The following OR2T6 variants were observed in gnomAD, a reference collection of about 807,000 sequenced individuals.
OR2T6 encodes the protein olfactory receptor family 2 subfamily T member 6, also known as olfactory receptor 2T6.
For missense variants in OR2T6, 424 were observed against 391.6 expected, an observed-to-expected ratio of 1.08 and a Z score of -0.70; for synonymous variants, 174 against 148.0, an observed-to-expected ratio of 1.18 and a Z score of -1.27.
At chr1:248,380,481 C>A (rs1380384954) in intron 1 of OR2T6, among the ~76,000 whole-genome samples, 1 of 151,760 alleles carries the variant, frequency 6.6e-6, no homozygotes, top group Non-Finnish European at 1.5e-5. Flanking sequence ...CTATTTAAGT[C>A]TTTTATATGG....
At position 248,389,255 on chromosome 1, in the gene OR2T6, A is replaced by G. The variant is rs1661209424; in HGVS notation, c.*720A>G. ...GTAGTTGAGAAAGAAATGCCCTATT[A>G]ACTAGCAGTTTCTGTAATCACTTTA... is the stretch of plus-strand genomic sequence containing the variant. On this transcript the variant is annotated 3_prime_UTR_variant, in exon 3 of 3. Transcript: ENST00000641644. 6.9e-6 allele frequency: 1 copy of G among 144,318 alleles called. No individual in the cohort carries two copies. The highest frequency in any genetic ancestry group is 2.6e-5 in the African/African-American group (1 of 39,008). 8.9% of individuals were successfully genotyped at this position (144,318 alleles called of 1,614,324 possible). A position where few individuals can be genotyped will look rare whatever the true frequency, so the allele number is the denominator to read the frequency against.
chr1:248,388,640 A>T lies in OR2T6; in HGVS notation c.*105A>T. The T allele has an allele frequency of 1.2e-6, 1 of 834,850 alleles. No individual in the cohort carries two copies. The highest frequency in any genetic ancestry group is 2.0e-5 in the South Asian group (1 of 49,644). The allele number at this position is 834,850 out of a possible 1,614,324, so 51.7% of individuals were successfully genotyped here. ...CATGGATACCACGGATGATGCTGAC[A>T]GGAACTTTCAATACCAGCTGTGCTA... On this transcript the variant is annotated 3_prime_UTR_variant, in exon 3 of 3. Coordinates refer to ENST00000641644, the MANE Select transcript of OR2T6 (RefSeq NM_001005471.2).
At position 248,391,161 on chromosome 1, in the gene OR2T6, G is replaced by A. The variant is rs1488800930; in HGVS notation, c.*2626G>A. 1 of 151,986 alleles carries A rather than the reference G, an allele frequency of 6.6e-6. No homozygotes were observed. Among genetic ancestry groups the A allele is most frequent in the Non-Finnish European group, 1.5e-5 (1 of 68,012 alleles). 9.4% of individuals were successfully genotyped at this position (151,986 alleles called of 1,614,324 possible). A position where few individuals can be genotyped will look rare whatever the true frequency, so the allele number is the denominator to read the frequency against. On this transcript the variant is annotated 3_prime_UTR_variant, in exon 3 of 3. Coordinates refer to ENST00000641644, the MANE Select transcript of OR2T6 (RefSeq NM_001005471.2). ...TTCTTGGTGTTAACTCTGCTGATTTGGAAACTTATGTTCACAGTAGATTTT... is the reference window on the plus strand; with the variant it reads ...TTCTTGGTGTTAACTCTGCTGATTTAGAAACTTATGTTCACAGTAGATTTT...
In OR2T6 at chr1:248,387,877, G is replaced by C. The variant is rs767523898; in HGVS notation, c.269G>C (p.Gly90Ala). ...KMLVDYLMGE[G>A]TISFIACTAQ... ...CTGGTAGATTATCTCATGGGCGAGG[G>C]GACCATCTCTTTCATCGCCTGCACT... Residue 90 changes from glycine (G) to alanine (A), a missense_variant, in exon 3 of 3, where the codon GGG becomes GCG. Transcript: ENST00000641644. The C allele has an allele frequency of 3.8e-5, 60 of 1,596,246 alleles. No homozygotes were observed. In the Admixed American group the frequency reaches 7.1e-4, roughly 19 times the overall value.
rs1052967893 is a variant in OR2T6, at chr1:248,389,594, C to T, written c.*1059C>T. On this transcript the variant is annotated 3_prime_UTR_variant, in exon 3 of 3. Transcript: ENST00000641644. ...CCACAATGTCAGGATTTTATTGATG[C>T]TGTTTCAATCACAAAAGCCACCATG... is the stretch of plus-strand genomic sequence containing the variant. 4 of 152,156 alleles carry T rather than the reference C, an allele frequency of 2.6e-5. No homozygotes were observed. The highest frequency in any genetic ancestry group is 7.2e-5 in the African/African-American group (3 of 41,422). The allele number at this position is 152,156 out of a possible 1,614,324, so 9.4% of individuals were successfully genotyped here.
chr1:248,387,770 T>C lies in OR2T6; in HGVS notation c.162T>C (p.His54=). The stretch of plus-strand genomic sequence containing the variant: ...TCTTCCTGATTAACATAGACCCTCA[T>C]CTCCACACCCCCATGTACTTCCTCC... ...VMIFLINIDP[H]LHTPMYFLLS... The change falls in exon 3 of 3, where the codon CAT becomes CAC. Residue 54 remains histidine, a synonymous_variant. Transcript: ENST00000641644. 1 of 1,613,432 alleles carries C rather than the reference T, an allele frequency of 6.2e-7. No homozygotes were observed.
intron 2 of OR2T6, among the ~76,000 whole-genome samples, chr1:248,385,630 A>T (rs1287911205): frequency 1.3e-5 from 2 of 152,358 alleles, no homozygotes; most frequent in South Asian, 4.1e-4. Context: ...AAGACAATGC[A>T]CAAGCCTGCA....
rs774773568 is a variant in OR2T6 at position 248,380,979 on chromosome 1, G to A, written c.-158-3732G>A. ...TTTTCTTTTCCATTTTGTACATTTT[G>A]TTTTGTTTTCTTTGAAGAGTAAATC... On this transcript the variant is annotated intron_variant, in intron 1 of 2. Transcript: ENST00000641644. 7.9e-5 allele frequency among the ~76,000 whole-genome samples: 12 copies of A among 151,340 alleles called. 1 individual carries two copies. Among genetic ancestry groups the A allele is most frequent in the Admixed American group, 3.9e-4 (6 of 15,196 alleles).
At chr1:248,384,448 C>A (rs61832942) in intron 1 of OR2T6, among the ~76,000 whole-genome samples, 409 of 25,396 alleles carry the variant, frequency 0.016, 12 homozygotes, top group African/African-American at 0.033. Flanking sequence ...TGCTCATCCT[C>A]TCCTGAAGTG....
At chr1:248,377,784 C>T (rs913494383) in intron 1 of OR2T6, among the ~76,000 whole-genome samples, 2 of 152,208 alleles carry the variant, frequency 1.3e-5, no homozygotes, top group South Asian at 2.1e-4. Flanking sequence ...AGCAAAATCT[C>T]CTGATTGCTC....
rs1305647573 is a variant in OR2T6 at position 248,389,092 on chromosome 1, A to G, written c.*557A>G. On this transcript the variant is annotated 3_prime_UTR_variant, in exon 3 of 3. Transcript: ENST00000641644. Reference sequence around the variant, plus strand: ...TAACCACTGAAAACACTCCTCCTTTATCTACATTTGGAGCTAAAAAAAAAT... The same window carrying G: ...TAACCACTGAAAACACTCCTCCTTTGTCTACATTTGGAGCTAAAAAAAAAT... 6.7e-6 allele frequency: 1 copy of G among 149,378 alleles called. No homozygotes were observed. Among genetic ancestry groups the G allele is most frequent in the Non-Finnish European group, 1.5e-5 (1 of 67,764 alleles). 9.3% of individuals were successfully genotyped at this position (149,378 alleles called of 1,614,324 possible).
rs1416697099 is a variant in OR2T6 at position 248,388,192 on chromosome 1, A to G, written c.584A>G (p.Tyr195Cys). 2.5e-6 allele frequency: 4 copies of G among 1,612,818 alleles called. No individual in the cohort carries two copies. Among genetic ancestry groups the G allele is most frequent in the Non-Finnish European group, 2.5e-6 (3 of 1,179,884 alleles). ...CTGGCCTGTGGGGACAAAACCACCT[A>G]TGAAACAGTGATGTATGTGTGCTGC... ...LRLACGDKTT[Y>C]ETVMYVCCVA... is the part of the protein sequence containing the mutation. Residue 195 changes from tyrosine (Y) to cysteine (C), a missense_variant, in exon 3 of 3, where the codon TAT becomes TGT. Coordinates refer to ENST00000641644, the MANE Select transcript of OR2T6 (RefSeq NM_001005471.2).
At chr1:248,377,725 G>A (rs1482306611) in intron 1 of OR2T6, among the ~76,000 whole-genome samples, 2 of 152,126 alleles carry the variant, frequency 1.3e-5, no homozygotes, top group African/African-American at 2.4e-5. Context: ...TCAGATTCAC[G>A]GATGCTCTGG....
At chr1:248,380,919 T>C (rs1661018430) in intron 1 of OR2T6, among the ~76,000 whole-genome samples, 1 of 152,202 alleles carries the variant, frequency 6.6e-6, no homozygotes, top group Admixed American at 6.5e-5. Flanking sequence ...TTGTAGTTTA[T>C]ATATACTATG....
intron 1 of OR2T6, among the ~76,000 whole-genome samples, chr1:248,379,964 G>A (rs28429172): frequency 0.089 from 13,565 of 151,868 alleles, 1,867 homozygotes; most frequent in African/African-American, 0.3. Context: ...TGCTGCACCC[G>A]TTAACTCGTC....
rs770068217 is a variant in OR2T6 at position 248,387,954 on chromosome 1, G to C, written c.346G>C (p.Gly116Arg). The C allele has an allele frequency of 6.2e-7, 1 of 1,607,440 alleles. No individual in the cohort carries two copies. The highest frequency in any genetic ancestry group is 1.3e-5 in the African/African-American group (1 of 74,750). ...GFMGAEFFLL[G>R]LMAYDRYVAI... is the part of the protein sequence containing the mutation. ...TATGGGGGCTGAATTCTTCCTGCTG[G>C]GGCTCATGGCCTATGACCGCTACGT... The change falls in exon 3 of 3, where the codon GGG (glycine) becomes CGG (arginine). Residue 116 changes from glycine to arginine, a missense_variant. By Grantham distance (125) the Gly-to-Arg change is moderately radical. Coordinates refer to ENST00000641644, the MANE Select transcript of OR2T6 (RefSeq NM_001005471.2).
chr1:248,386,851 C>T (rs765076895), intron 2 of OR2T6, among the ~76,000 whole-genome samples: 3 of 152,260 alleles, frequency 2.0e-5, no homozygotes, highest in Middle Eastern at 3.4e-3. Flanking sequence ...TGAAGTTTTC[C>T]GCAAAGCCCT....
rs1489620369 is a variant in OR2T6, at chr1:248,382,511, A to C, written c.-158-2200A>C. Among the ~76,000 whole-genome samples, 3 of 140,664 alleles carry C rather than the reference A, an allele frequency of 2.1e-5. No individual in the cohort carries two copies. The East Asian group carries it at 6.1e-4, about 29-fold the overall frequency. The allele number at this position is 140,664 out of a possible 152,430, so 92.3% of individuals were successfully genotyped here. ...TATATTTTGCTTTTGTAATTCCAAT[A>C]CTCCATGTCTACCTTTCTTTCTTTC... On this transcript the variant is annotated intron_variant, in intron 1 of 2. Transcript: ENST00000641644.
intron 1 of OR2T6, among the ~76,000 whole-genome samples, chr1:248,382,099 TG>T (rs1398759546): frequency 2.0e-5 from 3 of 151,060 alleles, no homozygotes; most frequent in African/African-American, 4.9e-5. Flanking sequence ...CACAATTTGG[TG>T]GTGGAGAAAG....
Sources: allele counts gnomAD v4.1 joint callset (sites outside exome capture counted in the v4.1 genomes callset), GRCh38; gene constraint gnomAD v4.1.1; transcripts MANE v1.5; gene names NCBI Gene and HGNC (gene_info 2026-07-23, HGNC 2026-07-21).